Variants in NMT2 observed in about 807,000 individuals in gnomAD.
NMT2 encodes the protein glycylpeptide N-tetradecanoyltransferase 2.
Under a neutral mutation model 65.4 loss-of-function variants are expected in NMT2, and 35 were observed. That is an observed-to-expected ratio of 0.54 (90% CI 0.41 to 0.71). NMT2 has a LOEUF of 0.71. Ranked by LOEUF, NMT2 falls within the 30% of genes least tolerant of loss-of-function variation. NMT2 has a pLI of 0.00. For missense variants in NMT2, 489 were observed against 611.3 expected, an observed-to-expected ratio of 0.80 and a Z score of 2.11; for synonymous variants, 226 against 231.8, an observed-to-expected ratio of 0.98 and a Z score of 0.23.
chr10:15,115,116 G>T (rs1043385514), intron 9 of NMT2, among the ~76,000 whole-genome samples: 2 of 152,060 alleles, frequency 1.3e-5, no homozygotes, highest in Admixed American at 1.3e-4. Flanking sequence ...ACTGGCTAAA[G>T]GAATTTCTTC....
Position 15,107,777 on chromosome 10 carries a change from T to TC in NMT2, c.*1417_*1418insG. The TC allele has an allele frequency of 1.1e-6, 1 of 950,252 alleles. No individual in the cohort carries two copies. Among genetic ancestry groups the TC allele is most frequent in the Non-Finnish European group, 1.2e-6 (1 of 825,026 alleles). The allele number at this position is 950,252 out of a possible 1,614,324, so 58.9% of individuals were successfully genotyped here. A position where few individuals can be genotyped will look rare whatever the true frequency, so the allele number is the denominator to read the frequency against. On this transcript the variant is annotated 3_prime_UTR_variant, in exon 12 of 12. Transcript: ENST00000378165. Reference sequence around the variant, plus strand: ...GCCAAGGCATCTACTTTGTGGTATCTGAGTTGAGGCCAGGCTACGTGGCCT... The same window carrying TC: ...GCCAAGGCATCTACTTTGTGGTATCTCGAGTTGAGGCCAGGCTACGTGGCCT...
intron 1 of NMT2, among the ~76,000 whole-genome samples, chr10:15,150,232 G>GGA (rs1373035916): frequency 6.6e-6 from 1 of 152,182 alleles, no homozygotes; most frequent in African/African-American, 2.4e-5. Context: ...GGGTGTACTG[G>GGA]CCAAAGTTGG....
chr10:15,109,866 T>G, intron 10 of NMT2, 27 bp from the exon 11 acceptor site: 10 of 1,580,160 alleles, frequency 6.3e-6, no homozygotes, highest in Non-Finnish European at 8.6e-6. Context: ...GATTTAAAAT[T>G]TAAAACAAAG....
intron 9 of NMT2, among the ~76,000 whole-genome samples, chr10:15,113,277 T>G (rs1845628319): frequency 6.6e-6 from 1 of 151,628 alleles, no homozygotes; most frequent in African/African-American, 2.4e-5. Flanking sequence ...GAGACCAGCC[T>G]GACCAACATG....
chr10:15,155,368 T>C (rs1355914415), intron 1 of NMT2: 5 of 740,188 alleles, frequency 6.8e-6, no homozygotes, highest in Admixed American at 2.2e-5. Flanking sequence ...GCAAAGCCTT[T>C]TTTGTTGTGT....
Position 15,106,714 on chromosome 10 carries a change from G to A in NMT2, c.*2481C>T. On this transcript the variant is annotated 3_prime_UTR_variant, in exon 12 of 12. Transcript: ENST00000378165. ...AACAAACTTTCTGTAAAAGACCAGA[G>A]AGTGAATATCTTAGGCTTTGCAGGC... is the stretch of plus-strand genomic sequence containing the variant. 2.2e-6 allele frequency: 2 copies of A among 919,228 alleles called. No homozygotes were observed. The highest frequency in any genetic ancestry group is 1.8e-5 in the African/African-American group (1 of 55,998). 56.9% of individuals were successfully genotyped at this position (919,228 alleles called of 1,614,324 possible).
intron 8 of NMT2, among the ~76,000 whole-genome samples, chr10:15,120,969 A>G (rs981860479): frequency 6.6e-6 from 1 of 152,176 alleles, no homozygotes; most frequent in Non-Finnish European, 1.5e-5. Flanking sequence ...TAAAACACCT[A>G]AAAGTCAGGA....
chr10:15,154,442 T>C (rs758328394), intron 1 of NMT2, among the ~76,000 whole-genome samples: 8 of 152,128 alleles, frequency 5.3e-5, no homozygotes, highest in Non-Finnish European at 1.2e-4. Context: ...ATACAAACAG[T>C]ATACAGTAGG....
At chr10:15,142,622 CAG>C (rs780655206) in intron 1 of NMT2, among the ~76,000 whole-genome samples, 2 of 152,176 alleles carry the variant, frequency 1.3e-5, no homozygotes, top group Non-Finnish European at 2.9e-5. Flanking sequence ...AAATAGAAAA[CAG>C]TGCTTATTTT....
At chr10:15,155,244 G>C (rs777237714) in intron 1 of NMT2, 1 of 1,498,744 alleles carries the variant, frequency 6.7e-7, no homozygotes, top group South Asian at 1.1e-5. Context: ...AAACTTGTCT[G>C]CAAACAGTTC....
chr10:15,127,584 AAAT>A (rs1564568513), intron 8 of NMT2, among the ~76,000 whole-genome samples: 25 of 76,208 alleles, frequency 3.3e-4, no homozygotes, highest in South Asian at 1.2e-3. Flanking sequence ...ATAAATAAAT[AAAT>A]AAATAAATAA....
intron 1 of NMT2, among the ~76,000 whole-genome samples, chr10:15,141,869 C>T (rs1357173119): frequency 3.3e-5 from 5 of 152,174 alleles, no homozygotes; most frequent in South Asian, 2.1e-4. Flanking sequence ...TCCTAATCTA[C>T]GTTTAAGTCA....
At chr10:15,132,685 C>G (rs1453914492) in intron 6 of NMT2, 132 bp downstream of exon 6, 3 of 596,840 alleles carry the variant, frequency 5.0e-6, no homozygotes, top group African/African-American at 3.7e-5. Context: ...GCCTCAGCCT[C>G]CCAAAGTGCT....
chr10:15,139,637 G>A (rs1211704682), intron 2 of NMT2: 1 of 151,808 alleles, frequency 6.6e-6, no homozygotes, highest in Non-Finnish European at 1.5e-5. Flanking sequence ...TATTACCCGA[G>A]AACCAAGTTG....
At chr10:15,155,424 A>G in intron 1 of NMT2, 1 of 536,588 alleles carries the variant, frequency 1.9e-6, no homozygotes, top group Non-Finnish European at 3.4e-6. Context: ...GCTGAAGTGC[A>G]GTGATGCAAT....
At chr10:15,135,926 G>T (rs181957772) in intron 2 of NMT2, among the ~76,000 whole-genome samples, 2 of 151,690 alleles carry the variant, frequency 1.3e-5, no homozygotes, top group African/African-American at 4.8e-5. Context: ...GAGAAAGAGA[G>T]AGAGAAAGAA....
chr10:15,130,786 C>CTTT (rs765987022), intron 6 of NMT2, among the ~76,000 whole-genome samples: 67 of 101,182 alleles, frequency 6.6e-4, no homozygotes, highest in Non-Finnish European at 8.7e-4. Flanking sequence ...TTCTTTCTTT[C>CTTT]TTTTTTTTTT....
At chr10:15,112,715 G>T in intron 10 of NMT2, 81 bp downstream of exon 10, 1 of 1,343,286 alleles carries the variant, frequency 7.4e-7, no homozygotes. Flanking sequence ...CTGTGTGGAA[G>T]AAAACACAGT....
chr10:15,153,873 T>C (rs1276937442), intron 1 of NMT2, among the ~76,000 whole-genome samples: 1 of 152,088 alleles, frequency 6.6e-6, no homozygotes, highest in Non-Finnish European at 1.5e-5. Flanking sequence ...CAGGATGGTC[T>C]CGATCTCCTG....
Sources: gnomAD v4.1 joint callset for allele counts (sites outside exome capture counted in the v4.1 genomes callset) on GRCh38, gnomAD v4.1.1 for gene constraint, MANE v1.5 for transcripts, NCBI Gene and HGNC (gene_info 2026-07-23, HGNC 2026-07-21) for gene names.